The following WDR7 variants were observed in gnomAD, a reference collection of about 807,000 sequenced individuals.
WDR7 encodes the protein WD repeat domain 7.
A neutral mutation model predicts 169.4 loss-of-function variants in WDR7; 46 were observed. That is an observed-to-expected ratio of 0.27 (90% CI 0.21 to 0.35). The LOEUF (loss-of-function observed/expected upper bound fraction) is 0.35, where lower values mean the gene tolerates loss of function less well. WDR7 is among the 10% of genes least tolerant of loss of function. WDR7 has a pLI of 1.00. For missense variants in WDR7, 1,534 were observed against 1,859.3 expected (o/e 0.83, Z 3.22); for synonymous variants, 612 against 666.8 (o/e 0.92, Z 1.27).
chr18:56,691,622 T>C, intron 8 of WDR7, 93 bp from the exon 9 acceptor site: 1 of 1,080,290 alleles, frequency 9.3e-7, no homozygotes, highest in Non-Finnish European at 1.3e-6. Flanking sequence ...AAAAATCCCC[T>C]TTTTGTCCAA....
Position 56,845,666 on chromosome 18 carries a change from G to A in WDR7, c.3304+29522G>A, listed in dbSNP as rs142345713. 3.3e-3 allele frequency among the ~76,000 whole-genome samples: 495 copies of A among 152,072 alleles called. 4 individuals are homozygous for A. Among genetic ancestry groups the A allele is most frequent in the African/African-American group, 0.011 (477 of 41,492 alleles). On this transcript the variant is annotated intron_variant, in intron 20 of 27. Coordinates refer to ENST00000254442, the MANE Select transcript of WDR7 (RefSeq NM_015285.3). Reference sequence around the variant, plus strand: ...CTACATTCCATTGCTGTTGTATTTAGCAGCTCTATTAAAATCATGATTCAA... The same window carrying A: ...CTACATTCCATTGCTGTTGTATTTAACAGCTCTATTAAAATCATGATTCAA...
intron 19 of WDR7, among the ~76,000 whole-genome samples, chr18:56,810,714 G>A (rs1239395613): frequency 6.6e-6 from 1 of 152,048 alleles, no homozygotes; most frequent in African/African-American, 2.4e-5. Flanking sequence ...AGAGTACACT[G>A]AGGTGGCATG....
At chr18:56,805,768 AT>A (rs1033385268) in intron 19 of WDR7, among the ~76,000 whole-genome samples, 3 of 151,734 alleles carry the variant, frequency 2.0e-5, no homozygotes, top group Non-Finnish European at 2.9e-5. Context: ...ATTCTACTTC[AT>A]TTTCCATACT....
At chr18:56,768,201 T>C (rs1482523410) in intron 16 of WDR7, among the ~76,000 whole-genome samples, 1 of 152,232 alleles carries the variant, frequency 6.6e-6, no homozygotes, top group Non-Finnish European at 1.5e-5. Context: ...ATTGCTTCTC[T>C]CAGAAAAGCA....
At chr18:57,001,682 C>T (rs575169987) in intron 26 of WDR7, among the ~76,000 whole-genome samples, 3 of 152,278 alleles carry the variant, frequency 2.0e-5, no homozygotes, top group South Asian at 2.1e-4. Flanking sequence ...AAAAAGTGTC[C>T]TTCTGCCCCT....
chr18:56,921,433 A>G (rs1052128403), intron 21 of WDR7, among the ~76,000 whole-genome samples: 4 of 152,220 alleles, frequency 2.6e-5, no homozygotes, highest in Non-Finnish European at 5.9e-5. Context: ...ACTTTATGTT[A>G]CTTGGAGACT....
intron 19 of WDR7, 122 bp downstream of exon 19, chr18:56,781,778 G>A (rs1309349367): frequency 9.3e-7 from 1 of 1,078,478 alleles, no homozygotes; most frequent in Non-Finnish European, 1.2e-6. Flanking sequence ...AAAGTGAAAA[G>A]AACAGATCCT....
At chr18:56,840,470 CTTAA>C (rs1323546581) in intron 20 of WDR7, among the ~76,000 whole-genome samples, 11 of 152,012 alleles carry the variant, frequency 7.2e-5, no homozygotes, top group African/African-American at 2.4e-4. Context: ...AAACTAAGTA[CTTAA>C]TTAAATTAAT....
downstream of WDR7, chr18:57,033,459 C>A (rs576641621): frequency 6.6e-6 from 1 of 152,308 alleles, no homozygotes; most frequent in African/African-American, 2.4e-5. Context: ...GCCATTATTG[C>A]AATAACAGAA....
intron 16 of WDR7, among the ~76,000 whole-genome samples, chr18:56,767,535 G>GC (rs1314059971): frequency 3.9e-5 from 6 of 152,114 alleles, no homozygotes; most frequent in African/African-American, 1.4e-4. Flanking sequence ...ATTGCATGAT[G>GC]CCCAGTGGCT....
intron 16 of WDR7, among the ~76,000 whole-genome samples, chr18:56,772,463 T>C (rs1159587455): frequency 6.6e-6 from 1 of 151,980 alleles, no homozygotes; most frequent in Non-Finnish European, 1.5e-5. Context: ...CTGTGAAAAA[T>C]CATTGAGAAG....
intron 19 of WDR7, among the ~76,000 whole-genome samples, chr18:56,792,612 GTTTTTT>G (rs71169398): frequency 7.5e-6 from 1 of 134,100 alleles, no homozygotes; most frequent in Admixed American, 7.6e-5. Context: ...TTAAATCTTT[GTTTTTT>G]TTTTTTTTTT....
chr18:56,686,297 AAG>A (rs2025442683), intron 6 of WDR7, among the ~76,000 whole-genome samples: 1 of 152,162 alleles, frequency 6.6e-6, no homozygotes, highest in Non-Finnish European at 1.5e-5. Context: ...AGAAACGTAA[AAG>A]AGGTGAGGTT....
At chr18:56,760,100 G>A (rs1310793956) in intron 16 of WDR7, among the ~76,000 whole-genome samples, 1 of 152,120 alleles carries the variant, frequency 6.6e-6, no homozygotes, top group African/African-American at 2.4e-5. Context: ...CTATATAAAA[G>A]TTTTATAATA....
intron 14 of WDR7, among the ~76,000 whole-genome samples, chr18:56,751,802 C>G (rs2144910824): frequency 6.6e-6 from 1 of 152,266 alleles, no homozygotes; most frequent in South Asian, 2.1e-4. Flanking sequence ...TCTGACATTA[C>G]TCATTCAGCA....
At chr18:56,681,221 T>G in intron 3 of WDR7, 92 bp from the exon 4 acceptor site, 1 of 917,022 alleles carries the variant, frequency 1.1e-6, no homozygotes, top group Non-Finnish European at 1.7e-6. Context: ...ATATATTAGT[T>G]TTAATGGAAG....
intron 19 of WDR7, among the ~76,000 whole-genome samples, chr18:56,788,091 A>G (rs559358090): frequency 2.0e-5 from 3 of 152,270 alleles, no homozygotes; most frequent in Non-Finnish European, 2.9e-5. Flanking sequence ...CTAGATGACT[A>G]AGGGTTTTTT....
chr18:56,852,945 A>G (rs1200956223), intron 20 of WDR7, among the ~76,000 whole-genome samples: 2 of 152,212 alleles, frequency 1.3e-5, no homozygotes, highest in East Asian at 3.8e-4. Flanking sequence ...GTTCTGTAAT[A>G]ACATTCAGTT....
intron 26 of WDR7, among the ~76,000 whole-genome samples, chr18:56,991,022 G>T (rs1357618577): frequency 6.6e-6 from 1 of 152,168 alleles, no homozygotes; most frequent in African/African-American, 2.4e-5. Context: ...TTCCCATTCA[G>T]GTTGGGTTGC....
Sources: allele counts gnomAD v4.1 joint callset (sites outside exome capture counted in the v4.1 genomes callset), GRCh38; gene constraint gnomAD v4.1.1; transcripts MANE v1.5; gene names NCBI Gene and HGNC (gene_info 2026-07-23, HGNC 2026-07-21).